The following ZNF407 variants were observed in gnomAD, a reference collection of about 807,000 sequenced individuals.
ZNF407 encodes the protein zinc finger protein 407.
A neutral mutation model predicts 131.2 loss-of-function variants in ZNF407; 17 were observed. That is an observed-to-expected ratio of 0.13 (90% CI 0.09 to 0.19). The LOEUF (loss-of-function observed/expected upper bound fraction) is 0.19, where lower values mean the gene tolerates loss of function less well. Ranked by LOEUF, ZNF407 falls within the 10% of genes least tolerant of loss-of-function variation. The probability of loss-of-function intolerance (pLI) is 1.00; values close to 1 mark genes in which losing one functional copy is unlikely to be tolerated. For missense variants in ZNF407, 2,681 were observed against 2,830.6 expected (o/e 0.95, Z 1.20); for synonymous variants, 1,156 against 1,062.0 (o/e 1.09, Z -1.72).
chr18:74,633,312 A>G lies in ZNF407; in HGVS notation c.2293A>G (p.Asn765Asp), dbSNP rs1439581007. ...RSKHLENAKKNNIGLSFEECI... is the reference protein window; with the variant it reads ...RSKHLENAKKDNIGLSFEECI... ...CAAGCATCTTGAAAATGCTAAGAAA[A>G]ATAATATTGGCTTAAGCTTTGAAGA... Residue 765 changes from asparagine to aspartate, a missense_variant, in exon 2 of 9, where the codon AAT becomes GAT. Physicochemically the swap from Asn to Asp is conservative, Grantham distance 23 (BLOSUM62 1). Transcript: ENST00000299687. The G allele has an allele frequency of 7.4e-6, 12 of 1,612,636 alleles. No homozygotes were observed. The highest frequency in any genetic ancestry group is 1.0e-5 in the Non-Finnish European group (12 of 1,179,626).
At position 75,015,387 on chromosome 18, in the gene ZNF407, G is replaced by T. The variant is rs1599294804; in HGVS notation, c.5429-47763G>T. Among the ~76,000 whole-genome samples the T allele has an allele frequency of 2.0e-5, 3 of 151,378 alleles. No homozygotes were observed. The East Asian group carries it at 5.8e-4, about 29-fold the overall frequency. ...AGACACATAACAAGCTATAAAAAATGAACTATTCCAAGATCTCCACTCTAT... is the reference window on the plus strand; with the variant it reads ...AGACACATAACAAGCTATAAAAAATTAACTATTCCAAGATCTCCACTCTAT... On this transcript the variant is annotated intron_variant, in intron 8 of 8. Coordinates refer to ENST00000299687, the MANE Select transcript of ZNF407 (RefSeq NM_017757.3).
chr18:75,001,223 T>C (rs1290150166), intron 8 of ZNF407, among the ~76,000 whole-genome samples: 1 of 152,088 alleles, frequency 6.6e-6, no homozygotes, highest in Non-Finnish European at 1.5e-5. Flanking sequence ...ACTGTAACAA[T>C]AGGAGTTCAA....
At chr18:74,777,564 A>G (rs1397113866) in intron 3 of ZNF407, among the ~76,000 whole-genome samples, 1 of 152,120 alleles carries the variant, frequency 6.6e-6, no homozygotes, top group Non-Finnish European at 1.5e-5. Context: ...AAAATGGATC[A>G]TTTCTTTGAT....
intron 8 of ZNF407, among the ~76,000 whole-genome samples, chr18:74,972,767 T>TA (rs60082776): frequency 0.16 from 23,588 of 152,070 alleles, 2,057 homozygotes; most frequent in Admixed American, 0.27. Context: ...AATCCTGCTT[T>TA]AAAAAAAATG....
At chr18:74,987,382 A>G (rs1972665761) in intron 8 of ZNF407, among the ~76,000 whole-genome samples, 1 of 152,212 alleles carries the variant, frequency 6.6e-6, no homozygotes, top group South Asian at 2.1e-4. Context: ...GTCTTACTGT[A>G]TTACCAAACC....
At chr18:74,645,187 A>G (rs1984913931) in intron 3 of ZNF407, among the ~76,000 whole-genome samples, 3 of 152,088 alleles carry the variant, frequency 2.0e-5, no homozygotes, top group Non-Finnish European at 4.4e-5. Context: ...GTAAGGGTCT[A>G]AAAGTATAAA....
chr18:74,930,645 G>A lies in ZNF407; in HGVS notation c.5428+9953G>A, dbSNP rs551582519. On this transcript the variant is annotated intron_variant, in intron 8 of 8. Coordinates refer to ENST00000299687, the MANE Select transcript of ZNF407 (RefSeq NM_017757.3). The stretch of plus-strand genomic sequence containing the variant: ...TCATTCTATTTCTTTTTATCATTGT[G>A]GAGGTATTTTATCCTGAGGTTTATA... 3.3e-5 allele frequency among the ~76,000 whole-genome samples: 5 copies of A among 152,182 alleles called. No homozygotes were observed. The East Asian group carries it at 7.7e-4, about 24-fold the overall frequency.
At chr18:74,815,020 GTTA>G (rs1226910829) in intron 4 of ZNF407, among the ~76,000 whole-genome samples, 2 of 149,884 alleles carry the variant, frequency 1.3e-5, no homozygotes, top group African/African-American at 2.5e-5. Context: ...TTATAAAATT[GTTA>G]TTATAAAGAA....
At chr18:74,611,190 A>C (rs550931820) in intron 1 of ZNF407, among the ~76,000 whole-genome samples, 1 of 152,340 alleles carries the variant, frequency 6.6e-6, no homozygotes, top group African/African-American at 2.4e-5. Flanking sequence ...TTCAGAAGGC[A>C]ATGCAGGACA....
At chr18:74,717,543 G>A (rs969846191) in intron 3 of ZNF407, among the ~76,000 whole-genome samples, 2 of 152,096 alleles carry the variant, frequency 1.3e-5, no homozygotes, top group African/African-American at 4.8e-5. Flanking sequence ...AGTTTCTTTC[G>A]ATAGCCATAG....
In ZNF407 at chr18:74,780,165, G is replaced by A. The variant is rs573595842; in HGVS notation, c.4803-1263G>A. On this transcript the variant is annotated intron_variant, in intron 3 of 8. Transcript: ENST00000299687. ...TTATTACCTAATATTTAAGTAGAAT[G>A]ATTGTTATTTTCAGTGTATGTAAGT... 3.9e-5 allele frequency among the ~76,000 whole-genome samples: 6 copies of A among 152,182 alleles called. No individual in the cohort carries two copies. In the South Asian group the frequency reaches 1.2e-3, roughly 32 times the overall value.
At position 74,693,694 on chromosome 18, in the gene ZNF407, G is replaced by A. The variant is rs373386604; in HGVS notation, c.4802+52572G>A. Among the ~76,000 whole-genome samples the A allele has an allele frequency of 6.6e-5, 10 of 151,942 alleles. No individual in the cohort carries two copies. In the East Asian group the frequency reaches 1.6e-3, roughly 24 times the overall value. ...GCAATTAGTATTTCGAAGTACCTTGGTTTGCTTTCTTCTGTGTTCATCGTG... is the reference window on the plus strand; with the variant it reads ...GCAATTAGTATTTCGAAGTACCTTGATTTGCTTTCTTCTGTGTTCATCGTG... On this transcript the variant is annotated intron_variant, in intron 3 of 8. Coordinates refer to ENST00000299687, the MANE Select transcript of ZNF407 (RefSeq NM_017757.3).
intron 6 of ZNF407, among the ~76,000 whole-genome samples, chr18:74,883,790 G>A (rs74802438): frequency 0.02 from 3,095 of 152,276 alleles, 90 homozygotes; most frequent in African/African-American, 0.067. Flanking sequence ...CCTTATCAAT[G>A]GGGCCTGAGA....
At chr18:74,742,461 C>A (rs932488163) in intron 3 of ZNF407, among the ~76,000 whole-genome samples, 1 of 152,098 alleles carries the variant, frequency 6.6e-6, no homozygotes, top group African/African-American at 2.4e-5. Context: ...TCTGTAAGAA[C>A]TGCAGTTTTA....
intron 8 of ZNF407, among the ~76,000 whole-genome samples, chr18:75,046,337 C>G (rs541627405): frequency 6.6e-6 from 1 of 152,270 alleles, no homozygotes; most frequent in South Asian, 2.1e-4. Context: ...CATCAGCATT[C>G]TACAAGTTAG....
At chr18:74,712,348 G>A (rs1174491820) in intron 3 of ZNF407, among the ~76,000 whole-genome samples, 1 of 152,238 alleles carries the variant, frequency 6.6e-6, no homozygotes, top group African/African-American at 2.4e-5. Context: ...GTGTATATGT[G>A]CTTAGAAAAT....
At chr18:74,684,974 T>C (rs1967064450) in intron 3 of ZNF407, among the ~76,000 whole-genome samples, 1 of 152,218 alleles carries the variant, frequency 6.6e-6, no homozygotes, top group South Asian at 2.1e-4. Flanking sequence ...CTTAACATTA[T>C]TTATTGTTTT....
chr18:74,910,363 G>C (rs1453872278), intron 7 of ZNF407, among the ~76,000 whole-genome samples: 1 of 152,014 alleles, frequency 6.6e-6, no homozygotes, highest in Non-Finnish European at 1.5e-5. Context: ...GTGGTTGCTT[G>C]CTTATATTTT....
intron 3 of ZNF407, among the ~76,000 whole-genome samples, chr18:74,765,280 T>G (rs1489405979): frequency 6.6e-6 from 1 of 152,182 alleles, no homozygotes; most frequent in Non-Finnish European, 1.5e-5. Flanking sequence ...TTTGATTGAT[T>G]TTTCTCCTTA....
Sources: gnomAD v4.1 joint callset for allele counts (sites outside exome capture counted in the v4.1 genomes callset) on GRCh38, gnomAD v4.1.1 for gene constraint, MANE v1.5 for transcripts, NCBI Gene and HGNC (gene_info 2026-07-23, HGNC 2026-07-21) for gene names.